The following XKRX variants were observed in gnomAD, a reference collection of about 807,000 sequenced individuals.
XKRX encodes the protein XK-related protein 2.
Under a neutral mutation model 22.4 loss-of-function variants are expected in XKRX, and 11 were observed. The ratio of observed to expected loss-of-function variants is 0.49; its 90% CI spans 0.31 to 0.81. The LOEUF is 0.81. Ranked by LOEUF, XKRX falls within the 40% of genes least tolerant of loss-of-function variation. The pLI, the probability that XKRX is intolerant of heterozygous loss-of-function variation, is 0.05. For synonymous variants in XKRX, 114 were observed against 132.2 expected, an observed-to-expected ratio of 0.86 and a Z score of 0.94; for missense variants, 320 against 336.5, an observed-to-expected ratio of 0.95 and a Z score of 0.38.
intron 2 of XKRX, among the ~76,000 whole-genome samples, chrX:100,922,024 G>A (rs58737055): frequency 0.012 from 1,288 of 108,300 alleles, 20 homozygotes; most frequent in African/African-American, 0.041. Context: ...TAGTACAGAC[G>A]GGTTTTCATC....
chrX:100,917,222 T>G (rs2085440861), intron 2 of XKRX, among the ~76,000 whole-genome samples: 1 of 110,687 alleles, frequency 9.0e-6, no homozygotes, highest in Non-Finnish European at 1.9e-5. Flanking sequence ...GAGGCAGAGG[T>G]TGCAGTGAGT....
chrX:100,920,038 T>C (rs893165843), intron 2 of XKRX, among the ~76,000 whole-genome samples: 8 of 111,078 alleles, frequency 7.2e-5, no homozygotes, highest in Non-Finnish European at 1.5e-4. Context: ...CCCTCTTTCT[T>C]CCACAGTGTG....
chrX:100,941,731 T>C, the XKRX span, among the ~76,000 whole-genome samples: 9 of 111,536 alleles, frequency 8.1e-5, no homozygotes, highest in Non-Finnish European at 1.5e-4. Flanking sequence ...CCTTCTTACA[T>C]ATTCTCCCTA....
the XKRX span, among the ~76,000 whole-genome samples, chrX:100,944,771 C>T: frequency 1.8e-5 from 2 of 112,062 alleles, no homozygotes; most frequent in Non-Finnish European, 3.8e-5. Context: ...ACTCCAACCA[C>T]AAAAAATTCC....
In XKRX at chrX:100,921,537, G is replaced by T. The variant is rs760548422; in HGVS notation, c.604+1256C>A. 2.7e-5 allele frequency among the ~76,000 whole-genome samples: 3 copies of T among 111,393 alleles called. No individual in the cohort carries two copies. In the South Asian group the frequency reaches 1.1e-3, roughly 42 times the overall value. On this transcript the variant is annotated intron_variant, in intron 2 of 2. Transcript: ENST00000372956. Reference sequence around the variant, plus strand: ...GAGACATGGGACTTTGCCAAACAGGGTTAGAATCTAATAGGAAATGGTCCA... The same window carrying T: ...GAGACATGGGACTTTGCCAAACAGGTTTAGAATCTAATAGGAAATGGTCCA...
chrX:100,900,946 C>T, the XKRX span, among the ~76,000 whole-genome samples: 2 of 108,818 alleles, frequency 1.8e-5, no homozygotes, highest in South Asian at 4.1e-4. Context: ...CCCACCACCA[C>T]GCCTGGCTAA....
intron 2 of XKRX, among the ~76,000 whole-genome samples, chrX:100,916,077 CCACACACACACA>C (rs72334101): frequency 3.1e-5 from 3 of 97,034 alleles, no homozygotes; most frequent in African/African-American, 1.1e-4. Context: ...TTAAGTTTTA[CCACACACACACA>C]CACACACACA....
rs768245700 is a variant in XKRX, at chrX:100,922,925, T to C, written c.472A>G (p.Ile158Val). Residue 158 changes from isoleucine (I) to valine (V), a missense_variant, in exon 2 of 3, where the codon ATC becomes GTC. Coordinates refer to ENST00000372956, the MANE Select transcript of XKRX (RefSeq NM_212559.3). ...VLIEWEVGHS[I>V]RTLAMHRNAY... ...TTGCGGTGCATAGCCAGGGTCCGGA[T>C]GGAGTGGCCCACCTCCCATTCTATC... The C allele has an allele frequency of 3.3e-6, 4 of 1,209,439 alleles. No individual in the cohort carries two copies. The highest frequency in any genetic ancestry group is 2.3e-4 in the Middle Eastern group (1 of 4,372).
chrX:100,905,259 ATC>A, the XKRX span, among the ~76,000 whole-genome samples: 1 of 111,634 alleles, frequency 9.0e-6, no homozygotes, highest in Admixed American at 9.5e-5. Flanking sequence ...GATAAAATGA[ATC>A]TATATTAATG....
chrX:100,887,853 C>A, the XKRX span: 22 of 1,155,287 alleles, frequency 1.9e-5, no homozygotes, highest in African/African-American at 3.9e-4. Flanking sequence ...TCCATCATTA[C>A]CAAATCCATT....
chrX:100,895,446 T>C, the XKRX span, among the ~76,000 whole-genome samples: 1 of 112,396 alleles, frequency 8.9e-6, no homozygotes, highest in Admixed American at 9.4e-5. Flanking sequence ...ATGAACAGTA[T>C]ACATTGCACA....
the XKRX span, among the ~76,000 whole-genome samples, chrX:100,954,956 G>C: frequency 9.0e-6 from 1 of 111,637 alleles, no homozygotes; most frequent in African/African-American, 3.3e-5. Context: ...TGGGGCACGG[G>C]GGGAGTGATA....
chrX:100,950,057 A>G, the XKRX span, among the ~76,000 whole-genome samples: 1 of 112,204 alleles, frequency 8.9e-6, no homozygotes, highest in African/African-American at 3.2e-5. Context: ...GAACAACAAA[A>G]ATTACCCAAT....
At chrX:100,924,825 A>G (rs772259427) in intron 1 of XKRX, among the ~76,000 whole-genome samples, 9 of 112,021 alleles carry the variant, frequency 8.0e-5, no homozygotes, top group East Asian at 2.8e-4. Context: ...ATGAAATTTA[A>G]CAGAAAAGTA....
chrX:100,919,632 T>C (rs765981204), intron 2 of XKRX, among the ~76,000 whole-genome samples: 7 of 111,520 alleles, frequency 6.3e-5, no homozygotes, highest in African/African-American at 2.3e-4. Context: ...GAACACACAA[T>C]GACCAAACAC....
chrX:100,943,795 AGATGAATACATCATAGTT>A, the XKRX span, among the ~76,000 whole-genome samples: 1 of 112,253 alleles, frequency 8.9e-6, no homozygotes, highest in Non-Finnish European at 1.9e-5. Flanking sequence ...GAATCCCATC[AGATGAATACATCATAGTT>A]GATGTATTCA....
At chrX:100,932,778 G>A (rs1456401772), upstream of XKRX, among the ~76,000 whole-genome samples, 1 of 112,459 alleles carries the variant, frequency 8.9e-6, no homozygotes, top group Non-Finnish European at 1.9e-5. Context: ...CTTATTGGTG[G>A]GAGGTGATGG....
At chrX:100,921,192 C>T (rs1039266091) in intron 2 of XKRX, among the ~76,000 whole-genome samples, 1 of 111,409 alleles carries the variant, frequency 9.0e-6, no homozygotes. Context: ...GCCACCATGC[C>T]CATCCTTGAT....
the XKRX span, chrX:100,957,271 G>A: frequency 2.0e-6 from 2 of 992,126 alleles, no homozygotes; most frequent in Non-Finnish European, 2.9e-6. Flanking sequence ...GAAGTGAAAG[G>A]TTGGGGTGGA....
Sources: gnomAD v4.1 joint callset for allele counts (sites outside exome capture counted in the v4.1 genomes callset) on GRCh38, gnomAD v4.1.1 for gene constraint, MANE v1.5 for transcripts, NCBI Gene and HGNC (gene_info 2026-07-23, HGNC 2026-07-21) for gene names.